Variants in SSH2 observed in about 807,000 individuals in gnomAD.
The protein encoded by SSH2 is protein phosphatase Slingshot homolog 2.
Under a neutral mutation model 135.2 loss-of-function variants are expected in SSH2, and 37 were observed. That is an observed-to-expected ratio of 0.27 (90% CI 0.21 to 0.36). SSH2 has a LOEUF of 0.36. Ranked by LOEUF, SSH2 falls within the 10% of genes least tolerant of loss-of-function variation. The probability of loss-of-function intolerance (pLI) is 1.00; values close to 1 mark genes in which losing one functional copy is unlikely to be tolerated. For missense variants in SSH2, 1,408 were observed against 1,765.3 expected (o/e 0.80, Z 3.63); for synonymous variants, 628 against 646.2 (o/e 0.97, Z 0.43).
chr17:29,713,162 C>T (rs2039500958), intron 3 of SSH2, among the ~76,000 whole-genome samples: 1 of 152,086 alleles, frequency 6.6e-6, no homozygotes, highest in Admixed American at 6.6e-5. Flanking sequence ...AGCGAAATCT[C>T]ATCTCTACTA....
At position 29,761,843 on chromosome 17, in the gene SSH2, A is replaced by ATGTGTGTGTG. The variant is rs752691137; in HGVS notation, c.188+32041_188+32050dup. On this transcript the variant is annotated intron_variant, in intron 3 of 15. Coordinates refer to ENST00000540801, the MANE Select transcript of SSH2 (RefSeq NM_001282129.2). The stretch of plus-strand genomic sequence containing the variant: ...ATTCAGAGATTACACTCACATACAT[A>ATGTGTGTGTG]TGTGTGTGTGTGTGTGTGTGTGTGT... Among the ~76,000 whole-genome samples, 215 of 142,532 alleles carry ATGTGTGTGTG rather than the reference A, an allele frequency of 1.5e-3. 3 individuals are homozygous for ATGTGTGTGTG. Among genetic ancestry groups the ATGTGTGTGTG allele is most frequent in the Middle Eastern group, 7.0e-3 (2 of 284 alleles). 93.5% of individuals were successfully genotyped at this position (142,532 alleles called of 152,430 possible).
chr17:29,877,519 A>G (rs2066055832), intron 1 of SSH2, among the ~76,000 whole-genome samples: 1 of 152,206 alleles, frequency 6.6e-6, no homozygotes. Flanking sequence ...TGGCCCTTAT[A>G]TACAATGGAG....
intron 3 of SSH2, among the ~76,000 whole-genome samples, chr17:29,763,770 G>A (rs755956594): frequency 2.6e-5 from 4 of 151,960 alleles, no homozygotes; most frequent in South Asian, 2.1e-4. Flanking sequence ...CTATAGCGAC[G>A]CCCCAGAAGT....
rs1301298865 is a variant in SSH2 at position 29,648,258 on chromosome 17, T to C, written c.1313A>G (p.Tyr438Cys). 6.2e-7 allele frequency: 1 copy of C among 1,614,234 alleles called. No homozygotes were observed. The highest frequency in any genetic ancestry group is 8.5e-7 in the Non-Finnish European group (1 of 1,180,048). ...STVIAYAMKE[Y>C]GWNLDRAYDY... ...ATAGGCTCGGTCCAGATTCCAGCCA[T>C]ATTCCTTCATTGCATAGGCAATCAC... The change falls in exon 14 of 16, where the codon TAT (tyrosine) becomes TGT (cysteine). Residue 438 changes from tyrosine to cysteine, a missense_variant. This residue lies in a region of SSH2 where 106 missense variants were observed against 265.2 expected (regional missense o/e 0.40). Coordinates refer to ENST00000540801, the MANE Select transcript of SSH2 (RefSeq NM_001282129.2).
At chr17:29,644,463 A>G (rs892421767) in intron 14 of SSH2, among the ~76,000 whole-genome samples, 3 of 152,188 alleles carry the variant, frequency 2.0e-5, no homozygotes, top group Admixed American at 6.5e-5. Flanking sequence ...CTGCTGATAC[A>G]AGTCCCTTGA....
chr17:29,669,077 C>T (rs537859131), intron 9 of SSH2, among the ~76,000 whole-genome samples: 2 of 152,008 alleles, frequency 1.3e-5, no homozygotes, highest in South Asian at 2.1e-4. Flanking sequence ...GGTGAAACCC[C>T]GTCTCTACTA....
At chr17:29,868,446 T>G (rs2065888606) in intron 1 of SSH2, among the ~76,000 whole-genome samples, 1 of 152,074 alleles carries the variant, frequency 6.6e-6, no homozygotes, top group African/African-American at 2.4e-5. Flanking sequence ...TCACATAAAA[T>G]TCAGTTCCCG....
chr17:29,632,517 C>T lies in SSH2; in HGVS notation c.2677G>A (p.Val893Met). The change falls in exon 16 of 16, where the codon GTG (valine) becomes ATG (methionine). Residue 893 changes from valine (V) to methionine (M), a missense_variant. Coordinates refer to ENST00000540801, the MANE Select transcript of SSH2 (RefSeq NM_001282129.2). ...HPGAKWYPGSVRRATLEFEER... is the reference protein window; with the variant it reads ...HPGAKWYPGSMRRATLEFEER... ...TCGAACTCCAAGGTGGCTCGCCTCA[C>T]AGACCCAGGGTACCACTTGGCACCT... 1 of 1,614,184 alleles carries T rather than the reference C, an allele frequency of 6.2e-7. No individual in the cohort carries two copies.
At chr17:29,877,833 AATCCCAGC>A (rs539710156) in intron 1 of SSH2, among the ~76,000 whole-genome samples, 49 of 152,222 alleles carry the variant, frequency 3.2e-4, no homozygotes, top group African/African-American at 1.2e-3. Flanking sequence ...TCACATCTGT[AATCCCAGC>A]ACTTTGGGAA....
In SSH2 at chr17:29,732,840, A is replaced by G. The variant is rs1208155259; in HGVS notation, c.189-29778T>C. ...TTTCATCCGGAATAGATAAATGTAT[A>G]ATCTCGAATACGCACTGAGCAATCT... is the stretch of plus-strand genomic sequence containing the variant. On this transcript the variant is annotated intron_variant, in intron 3 of 15. Transcript: ENST00000540801. Among the ~76,000 whole-genome samples the G allele has an allele frequency of 3.3e-5, 5 of 152,196 alleles. No homozygotes were observed. In the East Asian group the frequency reaches 9.6e-4, roughly 29 times the overall value.
chr17:29,638,764 C>T (rs2036024993), intron 14 of SSH2, among the ~76,000 whole-genome samples: 1 of 151,908 alleles, frequency 6.6e-6, no homozygotes, highest in Admixed American at 6.6e-5. Flanking sequence ...CTATGTTGCC[C>T]AGGCTGGTCT....
At chr17:29,754,240 CTG>C (rs2151237729) in intron 3 of SSH2, among the ~76,000 whole-genome samples, 1 of 152,280 alleles carries the variant, frequency 6.6e-6, no homozygotes, top group South Asian at 2.1e-4. Context: ...ATCAGAAACT[CTG>C]GGGACTGTGG....
intron 3 of SSH2, chr17:29,716,311 CT>C: frequency 4.5e-6 from 2 of 445,442 alleles, no homozygotes. Flanking sequence ...TCTTTGGCTT[CT>C]TTTTCTGATC....
chr17:29,843,389 T>C (rs2043076758), intron 2 of SSH2, among the ~76,000 whole-genome samples: 1 of 151,784 alleles, frequency 6.6e-6, no homozygotes, highest in Non-Finnish European at 1.5e-5. Context: ...AAAAAATAAT[T>C]GTTAAAAATA....
At chr17:29,908,713 G>C (rs1225307170) in intron 1 of SSH2, among the ~76,000 whole-genome samples, 3 of 129,032 alleles carry the variant, frequency 2.3e-5, no homozygotes, top group Non-Finnish European at 3.1e-5. Context: ...GCAGTGAGCT[G>C]AAATCACGCC....
chr17:29,672,168 G>A, intron 8 of SSH2, 39 bp from the exon 9 acceptor site: 1 of 1,556,774 alleles, frequency 6.4e-7, no homozygotes, highest in Admixed American at 1.8e-5. Context: ...ATAGAACTGT[G>A]GGGTGCCAAA....
chr17:29,829,891 G>A (rs1379311004), intron 2 of SSH2, among the ~76,000 whole-genome samples: 1 of 148,888 alleles, frequency 6.7e-6, no homozygotes, highest in Non-Finnish European at 1.5e-5. Context: ...CCAGGCTGGA[G>A]TGCAGTGGTG....
In SSH2 at chr17:29,796,023, G is replaced by A. The variant is rs551199890; in HGVS notation, c.145-2086C>T. ...CTCCCAGAGTGCTGGGATTATAGGCGTGAGCCACCGTGCCCGGCCACATTA... is the reference window on the plus strand; with the variant it reads ...CTCCCAGAGTGCTGGGATTATAGGCATGAGCCACCGTGCCCGGCCACATTA... On this transcript the variant is annotated intron_variant, in intron 2 of 15. Transcript: ENST00000540801. Among the ~76,000 whole-genome samples the A allele has an allele frequency of 5.3e-5, 8 of 152,244 alleles. No individual in the cohort carries two copies. In the South Asian group the frequency reaches 8.3e-4, roughly 16 times the overall value.
intron 3 of SSH2, among the ~76,000 whole-genome samples, chr17:29,717,204 T>C (rs1234919638): frequency 6.6e-6 from 1 of 152,216 alleles, no homozygotes; most frequent in East Asian, 1.9e-4. Flanking sequence ...GGTGTGTTCA[T>C]GGCTCACTGC....
Sources: allele counts gnomAD v4.1 joint callset (sites outside exome capture counted in the v4.1 genomes callset), GRCh38; gene constraint gnomAD v4.1.1; regional missense constraint gnomAD v4.1.1; transcripts MANE v1.5; gene names NCBI Gene and HGNC (gene_info 2026-07-23, HGNC 2026-07-21).